Variants in SPOCK3 observed in about 807,000 individuals in gnomAD.
The protein encoded by SPOCK3 is SPARC (osteonectin), cwcv and kazal like domains proteoglycan 3, also known as testican-3.
SPOCK3 carries 30 observed loss-of-function variants against 56.6 expected under a neutral mutation model. That is an observed-to-expected ratio of 0.53 (90% confidence interval 0.40 to 0.72). SPOCK3 has a LOEUF of 0.72. Among genes scored for constraint, SPOCK3 ranks in the 30% least tolerant of loss-of-function variants. The pLI is 0.00. For missense variants in SPOCK3, 527 were observed against 530.0 expected, an observed-to-expected ratio of 0.99 and a Z score of 0.06; for synonymous variants, 196 against 183.3, an observed-to-expected ratio of 1.07 and a Z score of -0.56.
intron 7 of SPOCK3, among the ~76,000 whole-genome samples, chr4:166,767,920 A>G (rs1482050171): frequency 6.6e-6 from 1 of 152,082 alleles, no homozygotes; most frequent in Non-Finnish European, 1.5e-5. Context: ...TTTTTGTTGA[A>G]TTGATGCCTT....
At chr4:167,185,530 C>T (rs1239063331) in intron 2 of SPOCK3, among the ~76,000 whole-genome samples, 4 of 152,150 alleles carry the variant, frequency 2.6e-5, no homozygotes, top group Non-Finnish European at 5.9e-5. Context: ...AACCCTAAAT[C>T]ATCCAAAGCT....
At chr4:166,776,501 T>C (rs552755079) in intron 7 of SPOCK3, among the ~76,000 whole-genome samples, 1 of 152,272 alleles carries the variant, frequency 6.6e-6, no homozygotes, top group South Asian at 2.1e-4. Flanking sequence ...TTTTAAAATA[T>C]GAATTGGAAG....
At chr4:167,043,885 T>G (rs1002606377) in intron 3 of SPOCK3, among the ~76,000 whole-genome samples, 2 of 152,026 alleles carry the variant, frequency 1.3e-5, no homozygotes, top group Non-Finnish European at 2.9e-5. Flanking sequence ...GAGATCCTAG[T>G]CTACAGTGTT....
chr4:167,234,881 T>G (rs1241493725), upstream of SPOCK3: 1 of 152,310 alleles, frequency 6.6e-6, no homozygotes, highest in Non-Finnish European at 1.5e-5. Flanking sequence ...AAGTGTACTA[T>G]CTCTCGCAGT....
chr4:167,101,407 T>C (rs1231236426), intron 2 of SPOCK3, among the ~76,000 whole-genome samples: 3 of 152,072 alleles, frequency 2.0e-5, no homozygotes, highest in African/African-American at 4.8e-5. Flanking sequence ...CTCATCAAAA[T>C]CCTTGGTAAT....
intron 4 of SPOCK3, among the ~76,000 whole-genome samples, chr4:166,943,309 C>T (rs1235175221): frequency 6.6e-6 from 1 of 152,118 alleles, no homozygotes; most frequent in African/African-American, 2.4e-5. Flanking sequence ...AGCTACTGGT[C>T]ATAGGCATTT....
At chr4:166,879,686 G>T (rs920517543) in intron 6 of SPOCK3, among the ~76,000 whole-genome samples, 2 of 152,136 alleles carry the variant, frequency 1.3e-5, no homozygotes, top group Non-Finnish European at 2.9e-5. Context: ...TGTTGGGAAT[G>T]GGGGATGGAA....
chr4:167,108,780 C>G (rs62352449), intron 2 of SPOCK3, among the ~76,000 whole-genome samples: 2 of 149,970 alleles, frequency 1.3e-5, no homozygotes, highest in African/African-American at 4.9e-5. Context: ...AATAATTTAA[C>G]TACACTTTTA....
At chr4:166,870,720 T>G (rs1732373818) in intron 6 of SPOCK3, among the ~76,000 whole-genome samples, 1 of 152,116 alleles carries the variant, frequency 6.6e-6, no homozygotes, top group Admixed American at 6.6e-5. Context: ...ATTTATTGCA[T>G]TGAATAGATA....
At chr4:166,792,056 T>C in intron 7 of SPOCK3, 114 bp downstream of exon 7, 1 of 1,188,768 alleles carries the variant, frequency 8.4e-7, no homozygotes. Context: ...CTGATTTTTA[T>C]TCAGTATATA....
intron 10 of SPOCK3, among the ~76,000 whole-genome samples, chr4:166,737,098 A>C (rs911853951): frequency 2.6e-5 from 4 of 152,132 alleles, no homozygotes; most frequent in Non-Finnish European, 5.9e-5. Context: ...AGAGGTATAC[A>C]GACAAAAGGG....
At chr4:167,226,558 C>T (rs1736618654) in intron 2 of SPOCK3, among the ~76,000 whole-genome samples, 3 of 152,092 alleles carry the variant, frequency 2.0e-5, no homozygotes, top group Non-Finnish European at 4.4e-5. Context: ...AACATTTTCT[C>T]CGAGTATTGA....
At position 167,171,116 on chromosome 4, in the gene SPOCK3, G is replaced by A. The variant is rs571402288; in HGVS notation, c.189+62869C>T. On this transcript the variant is annotated intron_variant, in intron 2 of 10. Transcript: ENST00000357545. ...AAGACTAAAGCACCCAATCCCCCAA[G>A]TTTTTCAGTTAAAACACATTTGCTA... Among the ~76,000 whole-genome samples the A allele has an allele frequency of 4.6e-5, 7 of 152,138 alleles. No individual in the cohort carries two copies. In the South Asian group the frequency reaches 1.5e-3, roughly 32 times the overall value.
chr4:167,101,002 T>A (rs563941616), intron 2 of SPOCK3, among the ~76,000 whole-genome samples: 2 of 152,262 alleles, frequency 1.3e-5, no homozygotes, highest in Admixed American at 1.3e-4. Flanking sequence ...TGGTAATTCA[T>A]TGAAACTCAT....
intron 2 of SPOCK3, among the ~76,000 whole-genome samples, chr4:167,106,722 T>C (rs1243994921): frequency 6.9e-6 from 1 of 143,908 alleles, no homozygotes; most frequent in African/African-American, 2.6e-5. Context: ...TTTTTTTTTT[T>C]GAAAAGATAA....
intron 2 of SPOCK3, chr4:167,119,684 GA>G: frequency 1.3e-6 from 1 of 755,648 alleles, no homozygotes; most frequent in Non-Finnish European, 2.1e-6. Flanking sequence ...ATGCATATCA[GA>G]AAAACAACAC....
Position 167,175,074 on chromosome 4 carries a change from C to T in SPOCK3, c.189+58911G>A, listed in dbSNP as rs117345160. The stretch of plus-strand genomic sequence containing the variant: ...ACTACCTGCAGAATTATCGGGGATG[C>T]TCAAAATGATGTAGTAACCGCATAC... On this transcript the variant is annotated intron_variant, in intron 2 of 10. Coordinates refer to ENST00000357545, the MANE Select transcript of SPOCK3 (RefSeq NM_001040159.2). 2.0e-5 allele frequency among the ~76,000 whole-genome samples: 3 copies of T among 152,188 alleles called. No individual in the cohort carries two copies. The East Asian group carries it at 5.8e-4, about 29-fold the overall frequency.
chr4:166,884,139 T>C (rs1301525116), intron 6 of SPOCK3, among the ~76,000 whole-genome samples: 3 of 150,712 alleles, frequency 2.0e-5, no homozygotes, highest in Non-Finnish European at 1.5e-5. Flanking sequence ...AAATGACCTA[T>C]ACAGGAGATC....
At chr4:167,053,569 C>T (rs1181633919) in intron 3 of SPOCK3, among the ~76,000 whole-genome samples, 1 of 151,878 alleles carries the variant, frequency 6.6e-6, no homozygotes, top group African/African-American at 2.4e-5. Context: ...CCTGTAATCC[C>T]AGCTACTCAG....
Sources: allele counts gnomAD v4.1 joint callset (sites outside exome capture counted in the v4.1 genomes callset), GRCh38; gene constraint gnomAD v4.1.1; transcripts MANE v1.5; gene names NCBI Gene and HGNC (gene_info 2026-07-23, HGNC 2026-07-21).